Variants in CNNM2 observed in about 807,000 individuals in gnomAD.
CNNM2 encodes the protein metal transporter CNNM2.
Under a neutral mutation model 66.9 loss-of-function variants are expected in CNNM2, and 12 were observed. The ratio of observed to expected loss-of-function variants is 0.18; its 90% confidence interval spans 0.11 to 0.29. The LOEUF is 0.29. CNNM2 is among the 10% of genes least tolerant of loss of function. CNNM2 has a pLI of 1.00. For synonymous variants in CNNM2, 557 were observed against 501.8 expected (o/e 1.11, Z -1.47); for missense variants, 705 against 1,167.7 (o/e 0.60, Z 5.77).
Position 103,054,296 on chromosome 10 carries a change from CT to C in CNNM2, c.1766-24del, listed in dbSNP as rs541278578. ...AGCCCTCATCTCATGGGATGCATTTCTTTTTTTTTCTCTCTTTTAATTCCTC... is the reference window on the plus strand; with the variant it reads ...AGCCCTCATCTCATGGGATGCATTTCTTTTTTTTCTCTCTTTTAATTCCTC... On this transcript the variant is annotated intron_variant, in intron 2 of 7. Coordinates refer to ENST00000369878, the MANE Select transcript of CNNM2 (RefSeq NM_017649.5). The surrounding 1 kb of genome is among the most constrained non-coding windows in gnomAD (Gnocchi z 5.2). 20 of 1,591,102 alleles carry C rather than the reference CT, an allele frequency of 1.3e-5. No homozygotes were observed. The highest frequency in any genetic ancestry group is 3.5e-5 in the Admixed American group (2 of 57,782).
At chr10:102,968,457 G>T (rs1406741418) in intron 1 of CNNM2, among the ~76,000 whole-genome samples, 1 of 152,092 alleles carries the variant, frequency 6.6e-6, no homozygotes, top group African/African-American at 2.4e-5. Flanking sequence ...ATATTGACCA[G>T]GCTTGTCTCG....
At chr10:102,931,356 CTTT>C (rs66613815) in intron 1 of CNNM2, among the ~76,000 whole-genome samples, 156 of 119,240 alleles carry the variant, frequency 1.3e-3, no homozygotes, top group South Asian at 1.7e-3. Flanking sequence ...TTCCTTCTTT[CTTT>C]TTTTTTTTTT....
chr10:103,002,477 A>AGCT (rs2064139495), intron 1 of CNNM2, among the ~76,000 whole-genome samples: 1 of 119,270 alleles, frequency 8.4e-6, no homozygotes, highest in Non-Finnish European at 1.8e-5. Flanking sequence ...CAAGACTGGA[A>AGCT]TCTTTTTTTT....
At chr10:103,074,952 A>G (rs1278029398) in intron 6 of CNNM2, among the ~76,000 whole-genome samples, 1 of 152,206 alleles carries the variant, frequency 6.6e-6, no homozygotes, top group Non-Finnish European at 1.5e-5. Context: ...CAGCTGCAAG[A>G]TTTATCCTAG....
In CNNM2 at chr10:103,077,475, A is replaced by T. The variant is rs1180204234; in HGVS notation, c.*295A>T. ...TCAGCTCTCCCTTTTATCATTATTCACACTCCTCTGCCCTCGATTTGCATG... is the reference window on the plus strand; with the variant it reads ...TCAGCTCTCCCTTTTATCATTATTCTCACTCCTCTGCCCTCGATTTGCATG... On this transcript the variant is annotated 3_prime_UTR_variant, in exon 8 of 8. Coordinates refer to ENST00000369878, the MANE Select transcript of CNNM2 (RefSeq NM_017649.5). The T allele has an allele frequency of 7.5e-6, 3 of 402,610 alleles. No homozygotes were observed. The East Asian group carries it at 1.2e-4, about 17-fold the overall frequency. 24.9% of individuals were successfully genotyped at this position (402,610 alleles called of 1,614,324 possible). A position where few individuals can be genotyped will look rare whatever the true frequency, so the allele number is the denominator to read the frequency against.
chr10:102,963,301 C>G (rs898901656), intron 1 of CNNM2, among the ~76,000 whole-genome samples: 3 of 152,218 alleles, frequency 2.0e-5, no homozygotes, highest in African/African-American at 4.8e-5. Context: ...CCACCACCCC[C>G]TTTCCTTGGC....
At chr10:102,973,816 T>C (rs909551424) in intron 1 of CNNM2, among the ~76,000 whole-genome samples, 4 of 143,494 alleles carry the variant, frequency 2.8e-5, no homozygotes, top group South Asian at 2.3e-4. Flanking sequence ...TTTCATGTAT[T>C]CCCCCCCCCC....
intron 3 of CNNM2, among the ~76,000 whole-genome samples, chr10:103,055,692 T>C (rs545063391): frequency 6.6e-6 from 1 of 152,384 alleles, no homozygotes; most frequent in African/African-American, 2.4e-5. Context: ...AATACAGAAC[T>C]TACAGCTTTC....
At chr10:102,926,159 C>T (rs1261387170) in intron 1 of CNNM2, among the ~76,000 whole-genome samples, 1 of 152,120 alleles carries the variant, frequency 6.6e-6, no homozygotes, top group Non-Finnish European at 1.5e-5. Flanking sequence ...ATGTCCTATT[C>T]GTGCATTTGT....
At chr10:103,005,863 G>A (rs1346420699) in intron 1 of CNNM2, among the ~76,000 whole-genome samples, 6 of 151,930 alleles carry the variant, frequency 3.9e-5, no homozygotes, top group African/African-American at 1.5e-4. Flanking sequence ...CAAGTAGCTG[G>A]GACCACAGGC....
Position 103,078,816 on chromosome 10 carries a change from A to T in CNNM2, c.*1636A>T, listed in dbSNP as rs1276381155. 2.0e-5 allele frequency: 3 copies of T among 152,296 alleles called. No individual in the cohort carries two copies. Among genetic ancestry groups the T allele is most frequent in the African/African-American group, 7.2e-5 (3 of 41,460 alleles). 9.4% of individuals were successfully genotyped at this position (152,296 alleles called of 1,614,324 possible). On this transcript the variant is annotated 3_prime_UTR_variant, in exon 8 of 8. Coordinates refer to ENST00000369878, the MANE Select transcript of CNNM2 (RefSeq NM_017649.5). ...CCTACTCCAGGTAGGAAGTCTGTTC[A>T]GCCACGGCTGGGCTGTGTGCGGGGC...
intron 1 of CNNM2, among the ~76,000 whole-genome samples, chr10:102,958,459 GTTTTTTTTTTTTTTT>G (rs33992570): frequency 9.7e-5 from 5 of 51,702 alleles, no homozygotes; most frequent in East Asian, 6.4e-4. Context: ...CAAGCAACTT[GTTTTTTTTTTTTTTT>G]TTTTTTTTTT....
chr10:103,076,990 A>T lies in CNNM2; in HGVS notation c.2438A>T (p.Gln813Leu), dbSNP rs1365754158. ...QFVKISRQQY[Q>L]NALMASRMDK... ...CCCCAGATCTCAAGACAGCAATACC[A>T]AAATGCCTTGATGGCATCCCGGATG... The change falls in exon 8 of 8, where the codon CAA becomes CTA. Residue 813 changes from glutamine to leucine, a missense_variant. Gln to Leu is a moderately radical substitution (Grantham distance 113, BLOSUM62 -2). Around this residue, in one of 9 missense-constraint regions of CNNM2, gnomAD observed 194 missense variants for 227.6 expected, o/e 0.85. Transcript: ENST00000369878. 1 of 1,613,858 alleles carries T rather than the reference A, an allele frequency of 6.2e-7. No homozygotes were observed. Among genetic ancestry groups the T allele is most frequent in the East Asian group, 2.2e-5 (1 of 44,886 alleles).
At chr10:102,928,219 C>T (rs1347544496) in intron 1 of CNNM2, among the ~76,000 whole-genome samples, 1 of 152,162 alleles carries the variant, frequency 6.6e-6, no homozygotes, top group African/African-American at 2.4e-5. Flanking sequence ...ACAATTCTTT[C>T]TGTAGGCTCT....
At chr10:102,963,330 C>T (rs778288722) in intron 1 of CNNM2, among the ~76,000 whole-genome samples, 36 of 152,336 alleles carry the variant, frequency 2.4e-4, no homozygotes, top group Non-Finnish European at 4.1e-4. Flanking sequence ...AACGCACAGT[C>T]ACATTAAGTG....
chr10:102,988,676 C>T (rs1195843008), intron 1 of CNNM2, among the ~76,000 whole-genome samples: 1 of 152,072 alleles, frequency 6.6e-6, no homozygotes, highest in Non-Finnish European at 1.5e-5. Flanking sequence ...GGTTAAAATT[C>T]TCTTCCTTGG....
intron 1 of CNNM2, among the ~76,000 whole-genome samples, chr10:102,957,254 C>T (rs543023125): frequency 1.4e-3 from 220 of 152,154 alleles, no homozygotes; most frequent in African/African-American, 5.2e-3. Flanking sequence ...TGCAGTGAGC[C>T]GAGATTGCAC....
chr10:103,046,273 C>T lies in CNNM2; in HGVS notation c.1622-3434C>T, dbSNP rs75987425. 9.0e-3 allele frequency among the ~76,000 whole-genome samples: 1,372 copies of T among 152,272 alleles called. 22 individuals carry two copies. The highest frequency in any genetic ancestry group is 0.031 in the African/African-American group (1,304 of 41,558). ...GCTGGAGTTCAAATCCAGAACTGTTCGACTCATGTTCTTCCCTTGCCATCC... is the reference window on the plus strand; with the variant it reads ...GCTGGAGTTCAAATCCAGAACTGTTTGACTCATGTTCTTCCCTTGCCATCC... On this transcript the variant is annotated intron_variant, in intron 1 of 7. Coordinates refer to ENST00000369878, the MANE Select transcript of CNNM2 (RefSeq NM_017649.5).
chr10:103,057,998 A>C (rs1164906646), intron 4 of CNNM2, among the ~76,000 whole-genome samples: 1 of 152,210 alleles, frequency 6.6e-6, no homozygotes. Context: ...TAAAATGCTA[A>C]TGTGGATCAA....
Sources: allele counts gnomAD v4.1 joint callset (sites outside exome capture counted in the v4.1 genomes callset), GRCh38; gene constraint gnomAD v4.1.1; regional missense constraint gnomAD v4.1.1; non-coding constraint Gnocchi (gnomAD v3.1); transcripts MANE v1.5; gene names NCBI Gene and HGNC (gene_info 2026-07-23, HGNC 2026-07-21).